LOXL1: variants seen among roughly 807,000 people sequenced by gnomAD.
The protein encoded by LOXL1 is lysyl oxidase homolog 1.
Under a neutral mutation model 62.2 loss-of-function variants are expected in LOXL1, and 31 were observed. The observed-to-expected ratio is 0.50, with a 90% CI of 0.37 to 0.67. The LOEUF (loss-of-function observed/expected upper bound fraction) is 0.67, where lower values mean the gene tolerates loss of function less well. Ranked by LOEUF, LOXL1 falls within the 30% of genes least tolerant of loss-of-function variation. The pLI is 0.00. For missense variants in LOXL1, 775 were observed against 843.4 expected (o/e 0.92, Z 1.00); for synonymous variants, 403 against 384.4 (o/e 1.05, Z -0.56).
rs1346895054 is a variant in LOXL1 at position 73,945,276 on chromosome 15, G to A, written c.1212-1141G>A. Among the ~76,000 whole-genome samples the A allele has an allele frequency of 6.6e-6, 1 of 152,232 alleles. No homozygotes were observed. Among genetic ancestry groups the A allele is most frequent in the East Asian group, 1.9e-4 (1 of 5,200 alleles). The stretch of plus-strand genomic sequence containing the variant: ...GGGCAGGTTGCCAGCCTGAAGCCAT[G>A]CAATCAGGGAGAGGTGGTCTGGACC... On this transcript the variant is annotated intron_variant, in intron 2 of 6. Transcript: ENST00000261921. The surrounding 1 kb of genome is among the most constrained non-coding windows in gnomAD (Gnocchi z 4.3).
At chr15:73,949,403 T>G in intron 5 of LOXL1, 56 bp from the exon 6 acceptor site, 9 of 994,476 alleles carry the variant, frequency 9.0e-6, no homozygotes, top group Non-Finnish European at 1.5e-5. Flanking sequence ...GGTGAGCAGT[T>G]GAGGTGCAGC....
rs1296256904 is a variant in LOXL1 at position 73,951,866 on chromosome 15, T to G, written c.*29T>G. On this transcript the variant is annotated 3_prime_UTR_variant, in exon 7 of 7. Coordinates refer to ENST00000261921, the MANE Select transcript of LOXL1 (RefSeq NM_005576.4). ...CCGGGAGGGACAGATGGCCAATCTC[T>G]CCCCTTCCAAAGCAGGCCCTGCTCC... 2 of 1,522,570 alleles carry G rather than the reference T, an allele frequency of 1.3e-6. No homozygotes were observed. The highest frequency in any genetic ancestry group is 1.8e-6 in the Non-Finnish European group (2 of 1,128,892). 94.3% of individuals were successfully genotyped at this position (1,522,570 alleles called of 1,614,324 possible).
chr15:73,945,121 C>G lies in LOXL1; in HGVS notation c.1212-1296C>G, dbSNP rs1485598459. On this transcript the variant is annotated intron_variant, in intron 2 of 6. Coordinates refer to ENST00000261921, the MANE Select transcript of LOXL1 (RefSeq NM_005576.4). This position sits in a 1 kb window ranked among gnomAD's most constrained non-coding sequence, Gnocchi z 4.3. ...GTGCATGTGTGTGTGTCTCCCCTCA[C>G]TGCAGCCCCTCGTTCCTCTTTCCAC... Among the ~76,000 whole-genome samples, 1 of 152,220 alleles carries G rather than the reference C, an allele frequency of 6.6e-6. No individual in the cohort carries two copies. Among genetic ancestry groups the G allele is most frequent in the African/African-American group, 2.4e-5 (1 of 41,464 alleles).
chr15:73,932,919 C>A (rs770024424), intron 1 of LOXL1, among the ~76,000 whole-genome samples: 6 of 152,170 alleles, frequency 3.9e-5, no homozygotes, highest in Non-Finnish European at 5.9e-5. Flanking sequence ...GGGCCCTCCT[C>A]CTGCCTCCCT....
chr15:73,947,599 C>T, intron 4 of LOXL1: 1 of 521,682 alleles, frequency 1.9e-6, no homozygotes, highest in Non-Finnish European at 3.4e-6. Context: ...CATCTCGTCC[C>T]TCCCACCTGG....
intron 2 of LOXL1, among the ~76,000 whole-genome samples, chr15:73,943,543 G>C (rs1175463647): frequency 6.6e-6 from 1 of 152,232 alleles, no homozygotes; most frequent in Non-Finnish European, 1.5e-5. Flanking sequence ...ACTGGAAAGA[G>C]GGGAAGGAGA....
chr15:73,941,333 C>A (rs188179756), intron 1 of LOXL1, among the ~76,000 whole-genome samples: 1 of 152,138 alleles, frequency 6.6e-6, no homozygotes, highest in African/African-American at 2.4e-5. Context: ...GGACCAGGCT[C>A]CCCCATGAGG....
chr15:73,936,938 C>T (rs530186334), intron 1 of LOXL1, among the ~76,000 whole-genome samples: 1 of 152,226 alleles, frequency 6.6e-6, no homozygotes, highest in African/African-American at 2.4e-5. Context: ...TTTTAATCTC[C>T]AAGTGTTTAT....
In LOXL1 at chr15:73,930,973, C is replaced by T. The variant is rs1192516826; in HGVS notation, c.1102+3088C>T. On this transcript the variant is annotated intron_variant, in intron 1 of 6. Transcript: ENST00000261921. This position sits in a 1 kb window ranked among gnomAD's most constrained non-coding sequence, Gnocchi z 4.7. ...CTGGGTCTCCTGCACTGTGTCGGCT[C>T]CCTCGATGTGACCACTCCTGCTATT... is the stretch of plus-strand genomic sequence containing the variant. 2.0e-5 allele frequency among the ~76,000 whole-genome samples: 3 copies of T among 152,164 alleles called. No homozygotes were observed. Among genetic ancestry groups the T allele is most frequent in the African/African-American group, 4.8e-5 (2 of 41,430 alleles).
Position 73,951,950 on chromosome 15 carries a change from C to CT in LOXL1, c.*114dup. ...AACCCACAGGCACGGAGGGGCATCC[C>CT]TCCCTGCCGGCCTCAGGGAGCGAAC... On this transcript the variant is annotated 3_prime_UTR_variant, in exon 7 of 7. Transcript: ENST00000261921. 1.8e-5 allele frequency: 17 copies of CT among 957,136 alleles called. No homozygotes were observed. Among genetic ancestry groups the CT allele is most frequent in the Non-Finnish European group, 2.4e-5 (17 of 710,452 alleles). 59.3% of individuals were successfully genotyped at this position (957,136 alleles called of 1,614,324 possible).
chr15:73,942,423 G>A (rs2068720450), intron 1 of LOXL1, among the ~76,000 whole-genome samples: 1 of 152,062 alleles, frequency 6.6e-6, no homozygotes, highest in African/African-American at 2.4e-5. Context: ...GAGGGTGTCT[G>A]GGGGCTGCTG....
Position 73,946,466 on chromosome 15 carries a change from C to T in LOXL1, c.1261C>T (p.Arg421Cys), listed in dbSNP as rs767663121. The change falls in exon 3 of 7, where the codon CGC (arginine) becomes TGC (cysteine). Residue 421 changes from arginine to cysteine, a missense_variant. Physicochemically the swap from Arg to Cys is radical, Grantham distance 180. Coordinates refer to ENST00000261921, the MANE Select transcript of LOXL1 (RefSeq NM_005576.4). ...CGACTACGATGTGCGGGTGCTACTGCGCTTCCCCCAGCGCGTGAAGAACCA... is the reference window on the plus strand; with the variant it reads ...CGACTACGATGTGCGGGTGCTACTGTGCTTCCCCCAGCGCGTGAAGAACCA... ...ATDYDVRVLL[R>C]FPQRVKNQGT... 6.2e-6 allele frequency: 10 copies of T among 1,613,072 alleles called. No homozygotes were observed. Among genetic ancestry groups the T allele is most frequent in the South Asian group, 2.2e-5 (2 of 90,938 alleles).
chr15:73,934,510 G>A (rs2068657360), intron 1 of LOXL1, among the ~76,000 whole-genome samples: 1 of 152,174 alleles, frequency 6.6e-6, no homozygotes, highest in African/African-American at 2.4e-5. Context: ...CTGAGTACAG[G>A]CAAAAGATAA....
intron 6 of LOXL1, 39 bp downstream of exon 6, chr15:73,949,613 T>G: frequency 6.9e-7 from 1 of 1,452,452 alleles, no homozygotes. Context: ...CTCCGTCCCT[T>G]TCCTGCCTGG....
At chr15:73,950,533 ATGTGTGACCAGGATCAAGGCTCAG>A (rs570238450) in intron 6 of LOXL1, among the ~76,000 whole-genome samples, 81 of 150,530 alleles carry the variant, frequency 5.4e-4, no homozygotes, top group African/African-American at 1.7e-3. Flanking sequence ...TTAGGACTCA[ATGTGTGACCAGGATCAAGGCTCAG>A]TGTGTGACCA....
chr15:73,928,456 C>T (rs1188480155), intron 1 of LOXL1, among the ~76,000 whole-genome samples: 1 of 152,110 alleles, frequency 6.6e-6, no homozygotes, highest in Non-Finnish European at 1.5e-5. Context: ...GGCAGGAGTC[C>T]GGACTTCCTC....
Position 73,951,883 on chromosome 15 carries a change from C to T in LOXL1, c.*46C>T, listed in dbSNP as rs763085048. Reference sequence around the variant, plus strand: ...CCAATCTCTCCCCTTCCAAAGCAGGCCCTGCTCCCCGGGCAGCCTCCCGCC... The same window carrying T: ...CCAATCTCTCCCCTTCCAAAGCAGGTCCTGCTCCCCGGGCAGCCTCCCGCC... On this transcript the variant is annotated 3_prime_UTR_variant, in exon 7 of 7. Transcript: ENST00000261921. The T allele has an allele frequency of 2.7e-6, 4 of 1,467,076 alleles. No individual in the cohort carries two copies. The East Asian group carries it at 7.9e-5, about 29-fold the overall frequency. The allele number at this position is 1,467,076 out of a possible 1,614,324, so 90.9% of individuals were successfully genotyped here. A position where few individuals can be genotyped will look rare whatever the true frequency, so the allele number is the denominator to read the frequency against.
In LOXL1 at chr15:73,948,842, T is replaced by C. The variant is rs1380299679; in HGVS notation, c.1603-617T>C. Reference sequence around the variant, plus strand: ...CATAAGCAATGCAGTTCACAGTCCCTGCCCTTTGGGAGTGTACCAGGATTT... The same window carrying C: ...CATAAGCAATGCAGTTCACAGTCCCCGCCCTTTGGGAGTGTACCAGGATTT... On this transcript the variant is annotated intron_variant, in intron 5 of 6. Transcript: ENST00000261921. 6.6e-5 allele frequency among the ~76,000 whole-genome samples: 10 copies of C among 152,342 alleles called. No individual in the cohort carries two copies. In the South Asian group the frequency reaches 1.2e-3, roughly 19 times the overall value.
chr15:73,945,983 G>A lies in LOXL1; in HGVS notation c.1212-434G>A, dbSNP rs1359535304. Among the ~76,000 whole-genome samples, 1 of 151,978 alleles carries A rather than the reference G, an allele frequency of 6.6e-6. No homozygotes were observed. The highest frequency in any genetic ancestry group is 6.6e-5 in the Admixed American group (1 of 15,262). On this transcript the variant is annotated intron_variant, in intron 2 of 6. Coordinates refer to ENST00000261921, the MANE Select transcript of LOXL1 (RefSeq NM_005576.4). The surrounding 1 kb of genome is among the most constrained non-coding windows in gnomAD (Gnocchi z 4.3). ...GGGCCTCAAGTGATCCTCCTGCCTC[G>A]ACCTCCAAAAAGCTCTGTAATTACA...
Sources: gnomAD v4.1 joint callset for allele counts (sites outside exome capture counted in the v4.1 genomes callset) on GRCh38, gnomAD v4.1.1 for gene constraint, Gnocchi (gnomAD v3.1) non-coding constraint, MANE v1.5 for transcripts, NCBI Gene and HGNC (gene_info 2026-07-23, HGNC 2026-07-21) for gene names.